RBKS: variants seen among roughly 807,000 people sequenced by gnomAD.
RBKS encodes the protein ribokinase.
RBKS carries 33 observed loss-of-function variants against 33.9 expected under a neutral mutation model. The ratio of observed to expected loss-of-function variants is 0.97; its 90% CI spans 0.74 to 1.30. The LOEUF (loss-of-function observed/expected upper bound fraction) is 1.30. Ranked by LOEUF, RBKS falls within the 50% of genes most tolerant of loss-of-function variation. The probability of loss-of-function intolerance (pLI) is 0.00; values close to 1 mark genes in which losing one functional copy is unlikely to be tolerated. For synonymous variants in RBKS, 125 were observed against 143.0 expected (o/e 0.87, Z 0.90); for missense variants, 361 against 392.6 (o/e 0.92, Z 0.68).
intron 7 of RBKS, 117 bp downstream of exon 7, chr2:27,827,450 A>T: frequency 2.3e-6 from 2 of 851,972 alleles, no homozygotes; most frequent in Non-Finnish European, 3.5e-6. Flanking sequence ...CTTCTCTTTT[A>T]CCATATCACT....
chr2:27,793,013 C>G (rs114715149), intron 7 of RBKS, among the ~76,000 whole-genome samples: 2,065 of 152,294 alleles, frequency 0.014, 20 homozygotes, highest in South Asian at 0.049. Flanking sequence ...GGAAAGAGCT[C>G]TGGCTGCAAT....
At chr2:27,788,678 G>T (rs1677451992) in intron 7 of RBKS, among the ~76,000 whole-genome samples, 1 of 152,172 alleles carries the variant, frequency 6.6e-6, no homozygotes, top group Non-Finnish European at 1.5e-5. Context: ...CTGCACTCCA[G>T]CCTGGGTAAC....
intron 1 of RBKS, among the ~76,000 whole-genome samples, chr2:27,871,365 T>C (rs767613114): frequency 2.0e-5 from 3 of 152,232 alleles, no homozygotes; most frequent in Non-Finnish European, 2.9e-5. Context: ...CATGGCTTCG[T>C]TGGATAGCTA....
intron 1 of RBKS, among the ~76,000 whole-genome samples, chr2:27,883,977 T>C (rs549732862): frequency 6.6e-6 from 1 of 152,342 alleles, no homozygotes; most frequent in South Asian, 2.1e-4. Context: ...ACTAATTTAA[T>C]AAATGATTGG....
chr2:27,809,839 C>T, intron 7 of RBKS: 1 of 910,748 alleles, frequency 1.1e-6, no homozygotes, highest in Non-Finnish European at 1.5e-6. Flanking sequence ...ATATTAGCAC[C>T]AACCACAGGT....
chr2:27,871,117 C>T (rs1664201923), intron 1 of RBKS, among the ~76,000 whole-genome samples: 1 of 152,180 alleles, frequency 6.6e-6, no homozygotes, highest in African/African-American at 2.4e-5. Context: ...ATGTCCTTAG[C>T]AGCAGGCAGG....
At chr2:27,790,627 A>G (rs1677504960) in intron 7 of RBKS, among the ~76,000 whole-genome samples, 1 of 152,226 alleles carries the variant, frequency 6.6e-6, no homozygotes, top group Non-Finnish European at 1.5e-5. Context: ...AAGCTTCATC[A>G]AAGAAGCTTC....
At chr2:27,875,784 GA>G in intron 1 of RBKS, among the ~76,000 whole-genome samples, 1 of 152,276 alleles carries the variant, frequency 6.6e-6, no homozygotes, top group South Asian at 2.1e-4. Context: ...GGCTGAGATT[GA>G]GGGTGGCAGA....
At chr2:27,782,893 CCTT>C (rs1677317477) in intron 7 of RBKS, among the ~76,000 whole-genome samples, 5 of 152,056 alleles carry the variant, frequency 3.3e-5, no homozygotes, top group Admixed American at 3.3e-4. Flanking sequence ...TGCTCTATCT[CCTT>C]AAGGGTGGAG....
intron 2 of RBKS, 144 bp from the exon 3 acceptor site, chr2:27,848,241 T>A: frequency 1.8e-6 from 1 of 545,530 alleles, no homozygotes; most frequent in Non-Finnish European, 3.3e-6. Flanking sequence ...TAATATAAGA[T>A]GCTAGACTTG....
At chr2:27,871,403 C>G (rs13016573) in intron 1 of RBKS, among the ~76,000 whole-genome samples, 39,362 of 152,098 alleles carry the variant, frequency 0.26, 6,116 homozygotes, top group East Asian at 0.63. Flanking sequence ...AAAGCAGGTT[C>G]AATGCACCCG....
At chr2:27,878,703 A>T (rs931428529) in intron 1 of RBKS, among the ~76,000 whole-genome samples, 1 of 152,040 alleles carries the variant, frequency 6.6e-6, no homozygotes, top group Non-Finnish European at 1.5e-5. Flanking sequence ...TTGTTTCCTG[A>T]CTTTTTAATG....
At chr2:27,791,518 C>G (rs935397112) in intron 7 of RBKS, among the ~76,000 whole-genome samples, 2 of 151,916 alleles carry the variant, frequency 1.3e-5, no homozygotes, top group African/African-American at 4.8e-5. Flanking sequence ...TGACCTCAGA[C>G]TAAATTGTAC....
Position 27,810,032 on chromosome 2 carries a change from G to C in RBKS, c.795+17535C>G. On this transcript the variant is annotated intron_variant, in intron 7 of 7. Transcript: ENST00000302188. The surrounding 1 kb of genome is among the most constrained non-coding windows in gnomAD (Gnocchi z 4.4). ...ACTTGCTGCTTCACTCTTGGGTCTT[G>C]AGCCAGGTCTACACTGTGAAAATGA... 1 of 1,304,236 alleles carries C rather than the reference G, an allele frequency of 7.7e-7. No homozygotes were observed. The highest frequency in any genetic ancestry group is 1.0e-6 in the Non-Finnish European group (1 of 988,958). The allele number at this position is 1,304,236 out of a possible 1,614,324, so 80.8% of individuals were successfully genotyped here. A position where few individuals can be genotyped will look rare whatever the true frequency, so the allele number is the denominator to read the frequency against.
At chr2:27,789,641 T>C (rs924332809) in intron 7 of RBKS, among the ~76,000 whole-genome samples, 7 of 151,956 alleles carry the variant, frequency 4.6e-5, no homozygotes, top group African/African-American at 1.5e-4. Flanking sequence ...CTTGACTCAC[T>C]GTAACTTCCG....
In RBKS at chr2:27,847,994, A is replaced by C. The variant is rs371759910; in HGVS notation, c.286+40T>G. Reference sequence around the variant, plus strand: ...TTTCTCATAACAAAATCACAGAAAAAAGCTATAAACACTAACTTTAAAAAA... The same window carrying C: ...TTTCTCATAACAAAATCACAGAAAACAGCTATAAACACTAACTTTAAAAAA... On this transcript the variant is annotated intron_variant, in intron 3 of 7. Coordinates refer to ENST00000302188, the MANE Select transcript of RBKS (RefSeq NM_022128.3). The C allele has an allele frequency of 7.1e-6, 8 of 1,129,944 alleles. No individual in the cohort carries two copies. The East Asian group carries it at 2.0e-4, about 28-fold the overall frequency. 70.0% of individuals were successfully genotyped at this position (1,129,944 alleles called of 1,614,324 possible).
chr2:27,788,117 A>G (rs988211834), intron 7 of RBKS, among the ~76,000 whole-genome samples: 6 of 152,202 alleles, frequency 3.9e-5, no homozygotes, highest in African/African-American at 1.4e-4. Flanking sequence ...TGAAAAATCT[A>G]CAGCTAACAT....
intron 1 of RBKS, among the ~76,000 whole-genome samples, chr2:27,858,961 C>T (rs1663918321): frequency 6.6e-6 from 1 of 152,102 alleles, no homozygotes; most frequent in Admixed American, 6.6e-5. Flanking sequence ...GTCACTTTAA[C>T]AAGAAGCAGG....
intron 1 of RBKS, among the ~76,000 whole-genome samples, chr2:27,882,362 C>G (rs1372067885): frequency 6.6e-6 from 1 of 152,138 alleles, no homozygotes; most frequent in Non-Finnish European, 1.5e-5. Flanking sequence ...AAATACAAAT[C>G]AAAACCACAA....
Sources: gnomAD v4.1 joint callset for allele counts (sites outside exome capture counted in the v4.1 genomes callset) on GRCh38, gnomAD v4.1.1 for gene constraint, Gnocchi (gnomAD v3.1) non-coding constraint, MANE v1.5 for transcripts, NCBI Gene and HGNC (gene_info 2026-07-23, HGNC 2026-07-21) for gene names.